The following CSMD3 variants were observed in gnomAD, a reference collection of about 807,000 sequenced individuals.
CSMD3 encodes the protein CUB and Sushi multiple domains 3, also known as CUB and sushi domain-containing protein 3.
In CSMD3, 177 loss-of-function variants were observed where a neutral mutation model predicts 435.2. That is an observed-to-expected ratio of 0.41 (90% CI 0.36 to 0.46). The LOEUF is 0.46. Ranked by LOEUF, CSMD3 falls within the 20% of genes least tolerant of loss-of-function variation. The pLI, the probability that CSMD3 is intolerant of heterozygous loss-of-function variation, is 0.34. For missense variants in CSMD3, 4,265 were observed against 4,504.6 expected (o/e 0.95, Z 1.52); for synonymous variants, 1,656 against 1,520.5 (o/e 1.09, Z -2.07).
chr8:112,871,477 T>A (rs1203767515), intron 10 of CSMD3, among the ~76,000 whole-genome samples: 1 of 151,974 alleles, frequency 6.6e-6, no homozygotes, highest in African/African-American at 2.4e-5. Context: ...TTGGAAGAAA[T>A]ATATTATAAA....
At chr8:112,435,663 C>G (rs775377715) in intron 32 of CSMD3, among the ~76,000 whole-genome samples, 1 of 151,934 alleles carries the variant, frequency 6.6e-6, no homozygotes, top group Non-Finnish European at 1.5e-5. Flanking sequence ...TTTTTCACAG[C>G]AGTTAGTGGA....
intron 68 of CSMD3, among the ~76,000 whole-genome samples, chr8:112,232,216 T>C (rs1813153311): frequency 6.6e-6 from 1 of 152,196 alleles, no homozygotes; most frequent in Non-Finnish European, 1.5e-5. Context: ...GGGAAATCTA[T>C]ACAGACAGAA....
chr8:112,686,843 T>C (rs1422584760), intron 14 of CSMD3, among the ~76,000 whole-genome samples: 1 of 152,108 alleles, frequency 6.6e-6, no homozygotes, highest in Non-Finnish European at 1.5e-5. Flanking sequence ...AAATTATGTT[T>C]TCCTTATATT....
intron 5 of CSMD3, among the ~76,000 whole-genome samples, chr8:113,061,923 G>A (rs553614514): frequency 4.1e-4 from 62 of 151,714 alleles, no homozygotes; most frequent in African/African-American, 1.4e-3. Context: ...ATTTCATTAT[G>A]TCTTCTTTGT....
intron 13 of CSMD3, among the ~76,000 whole-genome samples, chr8:112,712,936 G>C (rs1010361881): frequency 2.0e-5 from 3 of 152,118 alleles, no homozygotes; most frequent in African/African-American, 7.2e-5. Context: ...CTTAAAAATA[G>C]ATTCTAAGGG....
In CSMD3 at chr8:112,954,743, A is replaced by G; in HGVS notation, c.1361T>C (p.Phe454Ser). The change falls in exon 8 of 71, where the codon TTT becomes TCT. Residue 454 changes from phenylalanine to serine, a missense_variant. By Grantham distance (155) the Phe-to-Ser change is radical (BLOSUM62 -2). This residue lies in a region of CSMD3 where 731 missense variants were observed against 755.4 expected (regional missense o/e 0.97). Coordinates refer to ENST00000297405, the MANE Select transcript of CSMD3 (RefSeq NM_198123.2). ...VTHRVKKAID[F>S]KSRGFKLFPG... Reference sequence around the variant, plus strand: ...AAACAATTTAAATCCTCTAGATTTAAAATCTATGGCCTTTTTCACTAGTTA... The same window carrying G: ...AAACAATTTAAATCCTCTAGATTTAGAATCTATGGCCTTTTTCACTAGTTA... 1 of 1,586,750 alleles carries G rather than the reference A, an allele frequency of 6.3e-7. No homozygotes were observed. The highest frequency in any genetic ancestry group is 1.1e-5 in the South Asian group (1 of 90,356).
In CSMD3 at chr8:112,287,087, G is replaced by A. The variant is rs745623897; in HGVS notation, c.9308C>T (p.Thr3103Ile). The change falls in exon 58 of 71, where the codon ACC becomes ATC. Residue 3103 changes from threonine to isoleucine, a missense_variant. Thr to Ile is a moderately conservative substitution (Grantham distance 89). Transcript: ENST00000297405. ...ACCTTTGCACTCTGGCTGCCTTCCG[G>A]TCCAACTGCCATTAGCTAAACATGT... ...ERTCLANGSW[T>I]GRQPECKAVQ... The A allele has an allele frequency of 6.2e-7, 1 of 1,613,538 alleles. No individual in the cohort carries two copies. Among genetic ancestry groups the A allele is most frequent in the South Asian group, 1.1e-5 (1 of 91,072 alleles).
chr8:113,094,609 A>C (rs895492923), intron 5 of CSMD3, among the ~76,000 whole-genome samples: 2 of 152,182 alleles, frequency 1.3e-5, no homozygotes, highest in African/African-American at 2.4e-5. Context: ...CAAATCATGT[A>C]TTTGTATCAA....
At position 112,337,603 on chromosome 8, in the gene CSMD3, C is replaced by G. The variant is rs562427558; in HGVS notation, c.6781G>C (p.Ala2261Pro). 7 of 1,613,826 alleles carry G rather than the reference C, an allele frequency of 4.3e-6. No individual in the cohort carries two copies. The African/African-American group carries it at 8.0e-5, about 18-fold the overall frequency. ...FPGYTLIGNSALTCLHGVSRN... is the reference protein window; with the variant it reads ...FPGYTLIGNSPLTCLHGVSRN... Reference sequence around the variant, plus strand: ...CTGACTCCGTGAAGGCATGTGAGAGCTGAATTTCCAATTAATGTGTATCCT... The same window carrying G: ...CTGACTCCGTGAAGGCATGTGAGAGGTGAATTTCCAATTAATGTGTATCCT... The change falls in exon 43 of 71, where the codon GCT becomes CCT. Residue 2261 changes from alanine to proline, a missense_variant. Around this residue, in one of 3 missense-constraint regions of CSMD3, gnomAD observed 3,255 missense variants for 3,380.2 expected, o/e 0.96. Transcript: ENST00000297405.
At chr8:112,684,256 TA>T (rs1468682246) in intron 15 of CSMD3, among the ~76,000 whole-genome samples, 1 of 152,060 alleles carries the variant, frequency 6.6e-6, no homozygotes, top group Admixed American at 6.5e-5. Context: ...TCATTTTATA[TA>T]AGTTTCTATG....
At chr8:113,077,430 A>T (rs530793664) in intron 5 of CSMD3, among the ~76,000 whole-genome samples, 5 of 152,228 alleles carry the variant, frequency 3.3e-5, no homozygotes, top group Admixed American at 3.3e-4. Flanking sequence ...TAAGAATGTC[A>T]GTGGCTCACG....
intron 27 of CSMD3, among the ~76,000 whole-genome samples, chr8:112,537,399 A>G (rs1238750911): frequency 7.4e-6 from 1 of 134,536 alleles, no homozygotes; most frequent in Non-Finnish European, 1.6e-5. Flanking sequence ...AGATCAGAAC[A>G]GGAAAAAAAA....
intron 28 of CSMD3, among the ~76,000 whole-genome samples, chr8:112,516,144 A>G (rs1446097735): frequency 6.6e-6 from 1 of 152,136 alleles, no homozygotes; most frequent in Non-Finnish European, 1.5e-5. Flanking sequence ...GTGAACAAAA[A>G]TAAGATTCTC....
At chr8:112,389,353 G>T (rs1830220322) in intron 36 of CSMD3, among the ~76,000 whole-genome samples, 1 of 152,084 alleles carries the variant, frequency 6.6e-6, no homozygotes, top group Non-Finnish European at 1.5e-5. Flanking sequence ...TATCATTTCA[G>T]ATCCTCTATA....
At chr8:112,367,227 T>C (rs900580873) in intron 38 of CSMD3, among the ~76,000 whole-genome samples, 3 of 152,180 alleles carry the variant, frequency 2.0e-5, no homozygotes, top group African/African-American at 7.2e-5. Context: ...TCACCGTCCA[T>C]ACAAGTTTTA....
intron 1 of CSMD3, among the ~76,000 whole-genome samples, chr8:113,431,539 C>A (rs1000505107): frequency 6.6e-6 from 1 of 152,132 alleles, no homozygotes; most frequent in Non-Finnish European, 1.5e-5. Context: ...TTAAAATAGA[C>A]AAAATATTGA....
At chr8:113,435,706 T>A (rs1236245391) in intron 1 of CSMD3, among the ~76,000 whole-genome samples, 1 of 152,008 alleles carries the variant, frequency 6.6e-6, no homozygotes, top group Admixed American at 6.5e-5. Context: ...GCCATGAGTA[T>A]GGAGAGGTGA....
rs181597410 is a variant in CSMD3, at chr8:112,950,336, A to T, written c.1421-2459T>A. 6.6e-3 allele frequency among the ~76,000 whole-genome samples: 1,009 copies of T among 151,990 alleles called. 12 individuals are homozygous for T. The highest frequency in any genetic ancestry group is 0.023 in the African/African-American group (967 of 41,524). On this transcript the variant is annotated intron_variant, in intron 8 of 70. Transcript: ENST00000297405. The stretch of plus-strand genomic sequence containing the variant: ...TATGTTTATTAAAATGTGACTTTTT[A>T]AAATGTGGCATGAAAATGAGGAAAA...
intron 45 of CSMD3, among the ~76,000 whole-genome samples, chr8:112,325,300 T>C (rs2130895715): frequency 6.6e-6 from 1 of 152,202 alleles, no homozygotes; most frequent in Admixed American, 6.6e-5. Context: ...TTCTGTATAA[T>C]TTTCTTTTGT....
Sources: allele counts gnomAD v4.1 joint callset (sites outside exome capture counted in the v4.1 genomes callset), GRCh38; gene constraint gnomAD v4.1.1; regional missense constraint gnomAD v4.1.1; transcripts MANE v1.5; gene names NCBI Gene and HGNC (gene_info 2026-07-23, HGNC 2026-07-21).